Variants in DLG2 observed in about 807,000 individuals in gnomAD.
DLG2 encodes disks large homolog 2.
A neutral mutation model predicts 132.5 loss-of-function variants in DLG2; 45 were observed. That is an observed-to-expected ratio of 0.34 (90% confidence interval 0.27 to 0.44). DLG2 has a LOEUF of 0.44. DLG2 is among the 20% of genes least tolerant of loss of function. DLG2 has a pLI of 1.00. For synonymous variants in DLG2, 424 were observed against 419.6 expected (o/e 1.01, Z -0.13); for missense variants, 1,045 against 1,196.9 (o/e 0.87, Z 1.87).
intron 5 of DLG2, among the ~76,000 whole-genome samples, chr11:85,124,876 G>A (rs914142161): frequency 2.0e-5 from 3 of 151,462 alleles, no homozygotes; most frequent in Non-Finnish European, 2.9e-5. Flanking sequence ...TGTCGCCCAG[G>A]CTGGAGTGCA....
chr11:83,788,844 CT>C (rs1412787147), intron 17 of DLG2, among the ~76,000 whole-genome samples: 22 of 152,128 alleles, frequency 1.4e-4, no homozygotes, highest in African/African-American at 5.1e-4. Flanking sequence ...TTTATGGATA[CT>C]TTTTTCTTTT....
At chr11:83,637,040 C>T (rs1591421180) in intron 18 of DLG2, among the ~76,000 whole-genome samples, 1 of 152,090 alleles carries the variant, frequency 6.6e-6, no homozygotes, top group African/African-American at 2.4e-5. Context: ...GCATCTGTGG[C>T]GGCAGAGCTC....
intron 6 of DLG2, chr11:84,545,570 G>GAAGT: frequency 2.7e-6 from 1 of 374,444 alleles, no homozygotes; most frequent in South Asian, 2.3e-5. Context: ...AACACTCTTT[G>GAAGT]AAGTTTCCTA....
At chr11:84,424,674 A>G (rs1228716176) in intron 7 of DLG2, among the ~76,000 whole-genome samples, 3 of 152,146 alleles carry the variant, frequency 2.0e-5, no homozygotes, top group Admixed American at 1.3e-4. Flanking sequence ...TTATGTATCA[A>G]TATATTTTAA....
chr11:84,319,876 A>C (rs538683904), intron 7 of DLG2, among the ~76,000 whole-genome samples: 1 of 152,318 alleles, frequency 6.6e-6, no homozygotes, highest in African/African-American at 2.4e-5. Flanking sequence ...AGTTTAGTAC[A>C]TGTAAAGTAA....
chr11:84,714,617 TTCTCTTTCTCTCTCTCTCTCTCTC>T (rs2060943746), intron 6 of DLG2, among the ~76,000 whole-genome samples: 1 of 96,602 alleles, frequency 1.0e-5, no homozygotes, highest in African/African-American at 4.4e-5. Context: ...CTCTTTCTCT[TTCTCTTTCTCTCTCTCTCTCTCTC>T]TCTCTTTCTC....
At chr11:84,891,902 C>A (rs996693525) in intron 6 of DLG2, among the ~76,000 whole-genome samples, 1 of 152,078 alleles carries the variant, frequency 6.6e-6, no homozygotes, top group Non-Finnish European at 1.5e-5. Flanking sequence ...ATAGGATGCA[C>A]CATTTATTAT....
intron 18 of DLG2, among the ~76,000 whole-genome samples, chr11:83,735,864 C>A (rs1178510432): frequency 6.6e-6 from 1 of 152,174 alleles, no homozygotes; most frequent in African/African-American, 2.4e-5. Context: ...GGGAAATGAA[C>A]TGACTAATCA....
At position 83,657,556 on chromosome 11, in the gene DLG2, T is replaced by G. The variant is rs539155738; in HGVS notation, c.1826-24231A>C. On this transcript the variant is annotated intron_variant, in intron 18 of 27. Coordinates refer to ENST00000376104, the MANE Select transcript of DLG2 (RefSeq NM_001142699.3). The stretch of plus-strand genomic sequence containing the variant: ...ATTCTTTTTTTTTTTTTTTTTTTTT[T>G]GAGATGGAGTCTCGTTCTGTCACCC... 3.5e-4 allele frequency among the ~76,000 whole-genome samples: 51 copies of G among 146,114 alleles called. 1 individual carries two copies. Among genetic ancestry groups the G allele is most frequent in the Admixed American group, 3.1e-3 (46 of 14,718 alleles).
At chr11:84,869,453 C>G (rs1456200499) in intron 6 of DLG2, among the ~76,000 whole-genome samples, 1 of 152,126 alleles carries the variant, frequency 6.6e-6, no homozygotes, top group Non-Finnish European at 1.5e-5. Context: ...TAGTGTGGCT[C>G]TGTCAATCTC....
chr11:83,505,149 C>T (rs747194159), intron 21 of DLG2, among the ~76,000 whole-genome samples: 13 of 152,192 alleles, frequency 8.5e-5, no homozygotes, highest in Non-Finnish European at 1.9e-4. Context: ...GAGTAAGTGT[C>T]TATTCCAGTG....
At chr11:83,769,519 A>G (rs2094291302) in intron 18 of DLG2, among the ~76,000 whole-genome samples, 1 of 146,290 alleles carries the variant, frequency 6.8e-6, no homozygotes, top group Admixed American at 6.8e-5. Context: ...GATGGAGTGT[A>G]TGGTTAGGGA....
At chr11:85,523,580 C>T (rs1175939765) in intron 3 of DLG2, among the ~76,000 whole-genome samples, 1 of 152,104 alleles carries the variant, frequency 6.6e-6, no homozygotes, top group African/African-American at 2.4e-5. Flanking sequence ...CAGGCAATAA[C>T]AAATGCTGAT....
intron 6 of DLG2, among the ~76,000 whole-genome samples, chr11:84,673,463 G>A (rs1234233796): frequency 1.3e-5 from 2 of 151,692 alleles, no homozygotes; most frequent in Admixed American, 1.3e-4. Flanking sequence ...ATATACAGAG[G>A]GTGGGTAAGG....
At chr11:84,491,913 C>A (rs1196368568) in intron 7 of DLG2, among the ~76,000 whole-genome samples, 1 of 152,104 alleles carries the variant, frequency 6.6e-6, no homozygotes, top group Non-Finnish European at 1.5e-5. Context: ...ATTCACATTT[C>A]AATCTTTTGA....
At chr11:84,843,384 G>A (rs1443178820) in intron 6 of DLG2, among the ~76,000 whole-genome samples, 1 of 151,336 alleles carries the variant, frequency 6.6e-6, no homozygotes, top group African/African-American at 2.4e-5. Context: ...ATAGTTACTT[G>A]AGTGAGCTTC....
intron 3 of DLG2, among the ~76,000 whole-genome samples, chr11:85,510,980 C>T (rs1435067645): frequency 6.6e-6 from 1 of 152,108 alleles, no homozygotes; most frequent in Non-Finnish European, 1.5e-5. Flanking sequence ...CCCAAGTGTC[C>T]ATCAATGATA....
At chr11:83,934,977 G>A (rs1429623347) in intron 14 of DLG2, among the ~76,000 whole-genome samples, 2 of 152,176 alleles carry the variant, frequency 1.3e-5, no homozygotes, top group East Asian at 3.9e-4. Flanking sequence ...GGTCATATAT[G>A]TATATGATTT....
chr11:85,398,420 A>C (rs1170558149), intron 3 of DLG2, among the ~76,000 whole-genome samples: 2 of 152,192 alleles, frequency 1.3e-5, no homozygotes, highest in Non-Finnish European at 2.9e-5. Context: ...GCAAGAAATA[A>C]CTAAGATCAG....
Sources: gnomAD v4.1 joint callset for allele counts (sites outside exome capture counted in the v4.1 genomes callset) on GRCh38, gnomAD v4.1.1 for gene constraint, MANE v1.5 for transcripts, NCBI Gene and HGNC (gene_info 2026-07-23, HGNC 2026-07-21) for gene names.